The following TIAM1 variants were observed in gnomAD, a reference collection of about 807,000 sequenced individuals.
The protein encoded by TIAM1 is rho guanine nucleotide exchange factor TIAM1.
A neutral mutation model predicts 163.5 loss-of-function variants in TIAM1; 65 were observed. The observed-to-expected ratio is 0.40, with a 90% CI of 0.33 to 0.49. The LOEUF (loss-of-function observed/expected upper bound fraction) is 0.49. TIAM1 is among the 20% of genes least tolerant of loss of function. TIAM1 has a pLI of 0.77. For missense variants in TIAM1, 1,789 were observed against 2,044.7 expected (o/e 0.87, Z 2.41); for synonymous variants, 833 against 810.1 (o/e 1.03, Z -0.48).
At chr21:31,203,509 T>G (rs976765236) in intron 11 of TIAM1, among the ~76,000 whole-genome samples, 4 of 152,256 alleles carry the variant, frequency 2.6e-5, no homozygotes, top group Admixed American at 2.0e-4. Context: ...TTAAAATAAC[T>G]TTCATTGAAC....
chr21:31,222,676 C>CAAATATATATATAT (rs1310227960), intron 8 of TIAM1, among the ~76,000 whole-genome samples: 3 of 48,228 alleles, frequency 6.2e-5, no homozygotes, highest in African/African-American at 1.9e-4. Context: ...TGTACACATA[C>CAAATATATATATAT]ATATATATAT....
chr21:31,275,723 G>A (rs185835448), intron 3 of TIAM1, among the ~76,000 whole-genome samples: 86 of 152,274 alleles, frequency 5.6e-4, no homozygotes, highest in African/African-American at 2.0e-3. Flanking sequence ...CACCGACATT[G>A]CCTTATAACA....
intron 2 of TIAM1, among the ~76,000 whole-genome samples, chr21:31,381,266 G>C (rs2076774736): frequency 6.6e-6 from 1 of 152,134 alleles, no homozygotes; most frequent in Non-Finnish European, 1.5e-5. Context: ...TTTGCGGGGT[G>C]ATTAGACATG....
intron 1 of TIAM1, among the ~76,000 whole-genome samples, chr21:31,521,228 A>G (rs1469794767): frequency 1.3e-5 from 2 of 152,220 alleles, no homozygotes; most frequent in African/African-American, 4.8e-5. Context: ...TTATGGCCAG[A>G]TAACTGGAAA....
intron 2 of TIAM1, among the ~76,000 whole-genome samples, chr21:31,362,407 T>G (rs1482689973): frequency 6.6e-6 from 1 of 151,446 alleles, no homozygotes; most frequent in East Asian, 1.9e-4. Flanking sequence ...TTTCTCTTCA[T>G]GACGAGTCAT....
chr21:31,190,293 C>T (rs2085492745), intron 13 of TIAM1, among the ~76,000 whole-genome samples: 1 of 152,096 alleles, frequency 6.6e-6, no homozygotes, highest in African/African-American at 2.4e-5. Context: ...GCCTTGTAGT[C>T]CCAGCTACTT....
intron 2 of TIAM1, among the ~76,000 whole-genome samples, chr21:31,277,429 T>C (rs997584868): frequency 2.0e-5 from 3 of 152,224 alleles, no homozygotes; most frequent in Non-Finnish European, 4.4e-5. Context: ...GCGGATCACC[T>C]GAGGTCAGGA....
At chr21:31,491,726 TA>T (rs558981173) in intron 1 of TIAM1, among the ~76,000 whole-genome samples, 108 of 152,376 alleles carry the variant, frequency 7.1e-4, no homozygotes, top group Non-Finnish European at 1.2e-3. Context: ...TACCCACTGC[TA>T]AATGTCATCC....
chr21:31,221,688 C>T (rs1384163031), intron 8 of TIAM1, among the ~76,000 whole-genome samples: 4 of 152,180 alleles, frequency 2.6e-5, no homozygotes, highest in East Asian at 1.9e-4. Context: ...GAAGCCACTT[C>T]GATGCTCCGG....
At chr21:31,263,502 G>A (rs1050510488) in intron 4 of TIAM1, among the ~76,000 whole-genome samples, 3 of 152,080 alleles carry the variant, frequency 2.0e-5, no homozygotes, top group Non-Finnish European at 4.4e-5. Context: ...TAGAAATTTC[G>A]TATAATAATG....
Position 31,531,035 on chromosome 21 carries a change from G to A in TIAM1, c.-422+27892C>T, listed in dbSNP as rs150068806. 2.9e-3 allele frequency among the ~76,000 whole-genome samples: 436 copies of A among 152,172 alleles called. 5 individuals carry two copies. Among genetic ancestry groups the A allele is most frequent in the African/African-American group, 9.4e-3 (391 of 41,538 alleles). On this transcript the variant is annotated intron_variant, in intron 1 of 28. Transcript: ENST00000286827. Reference sequence around the variant, plus strand: ...CAGATGGCGGCTTGTACTTTTCCAAGCAGAATCTCATCTCCCCAAGCCTTG... The same window carrying A: ...CAGATGGCGGCTTGTACTTTTCCAAACAGAATCTCATCTCCCCAAGCCTTG...
chr21:31,237,149 C>T (rs1401758580), intron 6 of TIAM1, among the ~76,000 whole-genome samples: 1 of 152,182 alleles, frequency 6.6e-6, no homozygotes, highest in African/African-American at 2.4e-5. Context: ...GCCCAGTGGG[C>T]AGGCTCACCT....
At chr21:31,304,677 A>C (rs1426074107) in intron 2 of TIAM1, among the ~76,000 whole-genome samples, 1 of 152,132 alleles carries the variant, frequency 6.6e-6, no homozygotes, top group Non-Finnish European at 1.5e-5. Flanking sequence ...TATCATTGGT[A>C]TGTCTTGAAT....
At chr21:31,385,123 G>A (rs1057027422) in intron 2 of TIAM1, among the ~76,000 whole-genome samples, 2 of 152,052 alleles carry the variant, frequency 1.3e-5, no homozygotes, top group South Asian at 2.1e-4. Flanking sequence ...GTGCAATGGC[G>A]CGATCCAGGT....
At chr21:31,372,201 T>C (rs2076607748) in intron 2 of TIAM1, among the ~76,000 whole-genome samples, 1 of 152,088 alleles carries the variant, frequency 6.6e-6, no homozygotes, top group Non-Finnish European at 1.5e-5. Flanking sequence ...TTTTCTCCCA[T>C]TAAAAATGTA....
rs896018302 is a variant in TIAM1 at position 31,148,345 on chromosome 21, G to A, written c.3367-1342C>T. ...TTCTCATGATAGCGAATAAGTCTCAGGAGATCTGATGGTTTTTATAAAGGG... is the reference window on the plus strand; with the variant it reads ...TTCTCATGATAGCGAATAAGTCTCAAGAGATCTGATGGTTTTTATAAAGGG... On this transcript the variant is annotated intron_variant, in intron 19 of 27. Coordinates refer to ENST00000541036, the MANE Select transcript of TIAM1 (RefSeq NM_001353694.2). Among the ~76,000 whole-genome samples the A allele has an allele frequency of 3.9e-5, 6 of 152,140 alleles. No homozygotes were observed. In the East Asian group the frequency reaches 1.2e-3, roughly 29 times the overall value.
chr21:31,266,949 A>T lies in TIAM1; in HGVS notation c.24T>A (p.His8Gln), dbSNP rs535702549. 3.1e-6 allele frequency: 5 copies of T among 1,606,616 alleles called. No homozygotes were observed. In the Admixed American group the frequency reaches 8.4e-5, roughly 27 times the overall value. The change falls in exon 4 of 28, where the codon CAT becomes CAA. Residue 8 changes from histidine (H) to glutamine (Q), a missense_variant. Physicochemically the swap from His to Gln is conservative, Grantham distance 24 (BLOSUM62 0). Around this residue, in one of 5 missense-constraint regions of TIAM1, gnomAD observed 555 missense variants for 564.9 expected, o/e 0.98. Coordinates refer to ENST00000541036, the MANE Select transcript of TIAM1 (RefSeq NM_001353694.2). ...TTTCTCCATAAAACTCGTGCTCTAC[A>T]TGTTGACTTTCTGCGTTTCCCATGG... is the stretch of plus-strand genomic sequence containing the variant. MGNAESQ[H>Q]VEHEFYGEKH...
chr21:31,275,258 T>C (rs2073247151), intron 3 of TIAM1, among the ~76,000 whole-genome samples: 1 of 152,228 alleles, frequency 6.6e-6, no homozygotes, highest in Non-Finnish European at 1.5e-5. Context: ...TTCACAATTA[T>C]ACCTTTTTTT....
intron 2 of TIAM1, among the ~76,000 whole-genome samples, chr21:31,394,603 G>C (rs1180042362): frequency 1.3e-5 from 2 of 152,054 alleles, no homozygotes. Flanking sequence ...AGGAGTGAGA[G>C]AGGAAGGGGC....
Sources: allele counts gnomAD v4.1 joint callset (sites outside exome capture counted in the v4.1 genomes callset), GRCh38; gene constraint gnomAD v4.1.1; regional missense constraint gnomAD v4.1.1; transcripts MANE v1.5; gene names NCBI Gene and HGNC (gene_info 2026-07-23, HGNC 2026-07-21).